The following CMPK1 variants were observed in gnomAD, a reference collection of about 807,000 sequenced individuals.
CMPK1 encodes cytidine/uridine monophosphate kinase 1, also known as UMP-CMP kinase.
A neutral mutation model predicts 25.7 loss-of-function variants in CMPK1; 10 were observed. The observed-to-expected ratio is 0.39, with a 90% CI of 0.24 to 0.66. The LOEUF (loss-of-function observed/expected upper bound fraction) is 0.66, where lower values mean the gene tolerates loss of function less well. CMPK1 is among the 30% of genes least tolerant of loss of function. CMPK1 has a pLI of 0.48. For missense variants in CMPK1, 199 were observed against 280.5 expected (o/e 0.71, Z 2.08); for synonymous variants, 106 against 101.5 (o/e 1.04, Z -0.27).
chr1:47,372,427 A>T (rs1436792185), intron 2 of CMPK1, among the ~76,000 whole-genome samples: 2 of 152,136 alleles, frequency 1.3e-5, no homozygotes, highest in Non-Finnish European at 2.9e-5. Flanking sequence ...ATTTGTCCAA[A>T]GCTTTGTGTT....
chr1:47,363,368 C>T (rs1646616332), intron 1 of CMPK1, among the ~76,000 whole-genome samples: 1 of 152,150 alleles, frequency 6.6e-6, no homozygotes, highest in South Asian at 2.1e-4. Flanking sequence ...TGCCTCAGGC[C>T]TGTAATCCCA....
chr1:47,349,466 G>C (rs144910572), intron 1 of CMPK1, among the ~76,000 whole-genome samples: 1 of 152,294 alleles, frequency 6.6e-6, no homozygotes, highest in African/African-American at 2.4e-5. Flanking sequence ...TTCTGTGTTA[G>C]ATAGCATATA....
chr1:47,375,263 G>T lies in CMPK1; in HGVS notation c.615G>T (p.Lys205Asn). 6.2e-7 allele frequency: 1 copy of T among 1,604,836 alleles called. No homozygotes were observed. The highest frequency in any genetic ancestry group is 1.3e-5 in the African/African-American group (1 of 74,482). The change falls in exon 5 of 6, where the codon AAG becomes AAT. Residue 205 changes from lysine to asparagine, a missense_variant. By Grantham distance (94) the Lys-to-Asn change is moderately conservative. Transcript: ENST00000371873. ...TATATGAAGAAATGGGGAAAGTCAAGAAAATAGATGCTTCTAAATCTGTTG... is the reference window on the plus strand; with the variant it reads ...TATATGAAGAAATGGGGAAAGTCAATAAAATAGATGCTTCTAAATCTGTTG... ...IDLYEEMGKVKKIDASKSVDE... is the reference protein window; with the variant it reads ...IDLYEEMGKVNKIDASKSVDE...
At chr1:47,340,393 T>G (rs1646432886) in intron 1 of CMPK1, among the ~76,000 whole-genome samples, 1 of 151,812 alleles carries the variant, frequency 6.6e-6, no homozygotes, top group South Asian at 2.1e-4. Flanking sequence ...CACCTCAGTC[T>G]CCAAAGTGCT....
At chr1:47,369,496 T>C (rs1209113916) in intron 2 of CMPK1, among the ~76,000 whole-genome samples, 1 of 152,176 alleles carries the variant, frequency 6.6e-6, no homozygotes. Context: ...CAGACAGTTA[T>C]TCTCTTCCAT....
intron 1 of CMPK1, among the ~76,000 whole-genome samples, chr1:47,366,102 G>GTA (rs1646638252): frequency 6.6e-6 from 1 of 152,154 alleles, no homozygotes; most frequent in South Asian, 2.1e-4. Context: ...GCTGAGGCAC[G>GTA]CGAATTGCTT....
intron 5 of CMPK1, 92 bp from the exon 6 acceptor site, chr1:47,376,612 C>T (rs901061473): frequency 7.1e-5 from 57 of 797,778 alleles, no homozygotes; most frequent in African/African-American, 3.9e-4. Flanking sequence ...CACCGCGCCC[C>T]GCCAAATTTG....
At chr1:47,365,462 C>T (rs906749804) in intron 1 of CMPK1, among the ~76,000 whole-genome samples, 2 of 151,492 alleles carry the variant, frequency 1.3e-5, no homozygotes, top group African/African-American at 4.8e-5. Flanking sequence ...GGCAAAACCC[C>T]ATCTCTACAA....
At chr1:47,356,242 C>T (rs1646559897) in intron 1 of CMPK1, among the ~76,000 whole-genome samples, 1 of 152,058 alleles carries the variant, frequency 6.6e-6, no homozygotes, top group Non-Finnish European at 1.5e-5. Context: ...TAGCCAGTTG[C>T]ACAAGTATCA....
intron 2 of CMPK1, among the ~76,000 whole-genome samples, chr1:47,370,577 G>A (rs1158922356): frequency 6.6e-6 from 1 of 150,382 alleles, no homozygotes; most frequent in Non-Finnish European, 1.5e-5. Context: ...GGAGGCAGAG[G>A]TTTTGGTGAG....
rs145280486 is a variant in CMPK1, at chr1:47,366,207, C to T, written c.172-2262C>T. Among the ~76,000 whole-genome samples the T allele has an allele frequency of 6.2e-3, 944 of 152,150 alleles. 10 individuals are homozygous for T. Among genetic ancestry groups the T allele is most frequent in the African/African-American group, 0.021 (872 of 41,518 alleles). On this transcript the variant is annotated intron_variant, in intron 1 of 5. Transcript: ENST00000371873. ...TCTGAACAACAACAACAAAAAGCCA[C>T]GATTTTTAGTTCAATAGTAGCTTGT...
intron 1 of CMPK1, among the ~76,000 whole-genome samples, chr1:47,354,642 C>T (rs975500819): frequency 6.8e-5 from 9 of 131,688 alleles, no homozygotes; most frequent in Non-Finnish European, 1.2e-4. Context: ...TCTTGGAGAG[C>T]GTTCCATATC....
chr1:47,376,696 C>T lies in CMPK1; in HGVS notation c.646-8C>T, dbSNP rs375504021. ...TTTTAAAATTATTATCATCTTTTTC[C>T]TTTACAGGTTTTTGATGAAGTTGTG... On this transcript the variant is annotated splice_region_variant and splice_polypyrimidine_tract_variant and intron_variant, in intron 5 of 5. Transcript: ENST00000371873. The T allele has an allele frequency of 5.2e-6, 8 of 1,552,088 alleles. No individual in the cohort carries two copies. The African/African-American group carries it at 9.5e-5, about 18-fold the overall frequency.
At chr1:47,338,820 C>T (rs1367565081) in intron 1 of CMPK1, among the ~76,000 whole-genome samples, 1 of 151,822 alleles carries the variant, frequency 6.6e-6, no homozygotes, top group African/African-American at 2.4e-5. Context: ...CTGTGTCATT[C>T]TTGAATTTTT....
At chr1:47,352,808 A>G (rs1274501318) in intron 1 of CMPK1, among the ~76,000 whole-genome samples, 2 of 152,198 alleles carry the variant, frequency 1.3e-5, no homozygotes, top group East Asian at 1.9e-4. Flanking sequence ...AAATGGGTAC[A>G]GTTATTTATG....
chr1:47,376,622 G>C, intron 5 of CMPK1, 82 bp from the exon 6 acceptor site: 1 of 906,942 alleles, frequency 1.1e-6, no homozygotes, highest in Non-Finnish European at 1.7e-6. Context: ...CGCCAAATTT[G>C]ATTATTTTTA....
intron 1 of CMPK1, 112 bp downstream of exon 1, chr1:47,334,228 C>A: frequency 9.5e-7 from 1 of 1,049,496 alleles, no homozygotes; most frequent in Non-Finnish European, 1.2e-6. Context: ...GACTACGAGT[C>A]CCGGCGGCCA....
At chr1:47,349,809 A>G (rs996648760) in intron 1 of CMPK1, among the ~76,000 whole-genome samples, 4 of 151,774 alleles carry the variant, frequency 2.6e-5, no homozygotes, top group Admixed American at 2.0e-4. Flanking sequence ...CCAACTTTCT[A>G]ATTTTTCTTT....
intron 1 of CMPK1, among the ~76,000 whole-genome samples, chr1:47,343,072 C>T (rs3125640): frequency 0.41 from 61,968 of 149,916 alleles, 14,921 homozygotes; most frequent in South Asian, 0.55. Context: ...CTGCAACCTC[C>T]GCCTCCCGGA....
Sources: allele counts gnomAD v4.1 joint callset (sites outside exome capture counted in the v4.1 genomes callset), GRCh38; gene constraint gnomAD v4.1.1; transcripts MANE v1.5; gene names NCBI Gene and HGNC (gene_info 2026-07-23, HGNC 2026-07-21).